Variants in C16orf46 observed in about 807,000 individuals in gnomAD.
The protein encoded by C16orf46 is uncharacterized protein C16orf46.
A neutral mutation model predicts 5.5 loss-of-function variants in C16orf46; 7 were observed. The observed-to-expected ratio is 1.28, with a 90% CI of 0.73 to 2.40. The LOEUF (loss-of-function observed/expected upper bound fraction) is 2.40. C16orf46 is among the 30% of genes most tolerant of loss of function. The pLI is 0.00. For missense variants in C16orf46, 614 were observed against 476.0 expected (o/e 1.29, Z -2.70); for synonymous variants, 200 against 184.1 (o/e 1.09, Z -0.70).
chr16:81,063,843 T>G lies in C16orf46; in HGVS notation c.113A>C (p.Lys38Thr). 1 of 1,613,986 alleles carries G rather than the reference T, an allele frequency of 6.2e-7. No individual in the cohort carries two copies. The highest frequency in any genetic ancestry group is 8.5e-7 in the Non-Finnish European group (1 of 1,179,918). ...TYTCPDGKSE[K>T]NHVYCLLDVS... The stretch of plus-strand genomic sequence containing the variant: ...ATCGAGAAGACAATAAACATGATTT[T>G]TTTCACTTTTTCCATCTGGACAAGT... Residue 38 changes from lysine (K) to threonine (T), a missense_variant, in exon 3 of 4, where the codon AAA becomes ACA. Lys to Thr is a moderately conservative substitution (Grantham distance 78, BLOSUM62 -1). Coordinates refer to ENST00000299578, the MANE Select transcript of C16orf46 (RefSeq NM_152337.3).
At chr16:81,054,137 T>A in intron 3 of C16orf46, 1 of 1,589,112 alleles carries the variant, frequency 6.3e-7, no homozygotes, top group South Asian at 1.1e-5. Context: ...GTAGAGCCCA[T>A]GCTGCAATGA....
At position 81,061,910 on chromosome 16, in the gene C16orf46, T is replaced by C. The variant is rs764356197; in HGVS notation, c.439A>G (p.Ile147Val). The C allele has an allele frequency of 1.2e-6, 2 of 1,614,228 alleles. No homozygotes were observed. Among genetic ancestry groups the C allele is most frequent in the African/African-American group, 1.3e-5 (1 of 75,056 alleles). The change falls in exon 4 of 4, where the codon ATT becomes GTT. Residue 147 changes from isoleucine to valine, a missense_variant. Physicochemically the swap from Ile to Val is conservative, Grantham distance 29. Coordinates refer to ENST00000299578, the MANE Select transcript of C16orf46 (RefSeq NM_152337.3). ...TAGGTGGGAAAGCAGATGTCGCTAA[T>C]TGCCCTGGAAGCAGTGCTGGGGCCC... is the stretch of plus-strand genomic sequence containing the variant. Reference protein sequence around the residue: ...PQGPSTASRAISDICFPTYFR... With the variant: ...PQGPSTASRAVSDICFPTYFR...
At chr16:81,067,341 G>A (rs1424463577) in intron 1 of C16orf46, among the ~76,000 whole-genome samples, 3 of 152,164 alleles carry the variant, frequency 2.0e-5, no homozygotes, top group Non-Finnish European at 4.4e-5. Context: ...GTGCCCTTAA[G>A]TTCTGTTTGT....
intron 1 of C16orf46, among the ~76,000 whole-genome samples, chr16:81,068,250 C>T (rs1280470177): frequency 6.6e-6 from 1 of 152,160 alleles, no homozygotes; most frequent in Non-Finnish European, 1.5e-5. Context: ...TGAACAAAGA[C>T]AACGGTTAAG....
intron 1 of C16orf46, among the ~76,000 whole-genome samples, chr16:81,075,306 C>G (rs1235842836): frequency 6.6e-6 from 1 of 151,300 alleles, no homozygotes; most frequent in East Asian, 1.9e-4. Flanking sequence ...AGAATACATT[C>G]TGGCCAAGCA....
At chr16:81,066,446 T>C (rs182880290) in intron 1 of C16orf46, among the ~76,000 whole-genome samples, 165 bp from the exon 2 acceptor site, 224 of 152,200 alleles carry the variant, frequency 1.5e-3, no homozygotes, top group African/African-American at 5.1e-3. Context: ...TTCAAGCAAT[T>C]CTCCTGCCTC....
chr16:81,073,602 G>A (rs185185745), intron 1 of C16orf46, among the ~76,000 whole-genome samples: 1 of 152,316 alleles, frequency 6.6e-6, no homozygotes, highest in East Asian at 1.9e-4. Flanking sequence ...TTGACCTGAA[G>A]ATAGGATATT....
downstream of C16orf46, among the ~76,000 whole-genome samples, chr16:81,057,753 C>T (rs1174539359): frequency 3.3e-5 from 5 of 151,032 alleles, no homozygotes; most frequent in African/African-American, 4.9e-5. Flanking sequence ...TGAAACAGGC[C>T]GGGTGTGGTG....
chr16:81,071,175 T>C (rs1458380500), intron 1 of C16orf46, among the ~76,000 whole-genome samples: 1 of 152,152 alleles, frequency 6.6e-6, no homozygotes, highest in Non-Finnish European at 1.5e-5. Context: ...AAAAGAACAT[T>C]CCTACCTGGT....
intron 1 of C16orf46, among the ~76,000 whole-genome samples, chr16:81,074,184 G>C (rs1465753325): frequency 6.6e-6 from 1 of 152,106 alleles, no homozygotes; most frequent in Non-Finnish European, 1.5e-5. Flanking sequence ...CATTTTGTCA[G>C]ATACAAATCT....
At chr16:81,055,817 T>C (rs1479770253) in intron 3 of C16orf46, among the ~76,000 whole-genome samples, 2 of 152,022 alleles carry the variant, frequency 1.3e-5, no homozygotes, top group Non-Finnish European at 2.9e-5. Context: ...CCTCCCCGGG[T>C]TCAAGCGACT....
chr16:81,059,858 C>G (rs554852027), downstream of C16orf46, among the ~76,000 whole-genome samples: 15 of 151,442 alleles, frequency 9.9e-5, no homozygotes, highest in East Asian at 2.0e-3. Flanking sequence ...GCACGATCTC[C>G]GCTCACTGCA....
chr16:81,072,442 A>G (rs1261412602), intron 1 of C16orf46, among the ~76,000 whole-genome samples: 1 of 152,012 alleles, frequency 6.6e-6, no homozygotes, highest in African/African-American at 2.4e-5. Flanking sequence ...CTGGAGTGCA[A>G]TGGTGCGATC....
chr16:81,059,096 C>G (rs954329637), downstream of C16orf46, among the ~76,000 whole-genome samples: 1 of 151,806 alleles, frequency 6.6e-6, no homozygotes. Context: ...GTTCTGTTGC[C>G]CAGGCTGGAG....
In C16orf46 at chr16:81,067,561, TG is replaced by T. The variant is rs1443402252; in HGVS notation, c.-127-1281del. Among the ~76,000 whole-genome samples, 14 of 152,292 alleles carry T rather than the reference TG, an allele frequency of 9.2e-5. No homozygotes were observed. The East Asian group carries it at 2.7e-3, about 29-fold the overall frequency. The stretch of plus-strand genomic sequence containing the variant: ...TGTTTTTTGTTTGTTTGTTTTGGTT[TG>T]TTTTTTTGTTTTGAGACACTCGCTC... On this transcript the variant is annotated intron_variant, in intron 1 of 3. Transcript: ENST00000299578.
At chr16:81,072,655 A>T (rs1971896324) in intron 1 of C16orf46, among the ~76,000 whole-genome samples, 1 of 150,792 alleles carries the variant, frequency 6.6e-6, no homozygotes, top group South Asian at 2.1e-4. Context: ...AAGTGCTGGG[A>T]TTATAGGCGT....
At chr16:81,060,747 G>T (rs752581532), downstream of C16orf46, 20 of 177,976 alleles carry the variant, frequency 1.1e-4, no homozygotes, top group Non-Finnish European at 2.1e-4. Flanking sequence ...TGAGGCACGG[G>T]GGTGGGGCAG....
downstream of C16orf46, among the ~76,000 whole-genome samples, chr16:81,058,829 T>C (rs1971378200): frequency 6.6e-6 from 1 of 152,166 alleles, no homozygotes; most frequent in South Asian, 2.1e-4. Flanking sequence ...GAGCCCTCCT[T>C]CCTGCCTTAT....
chr16:81,070,486 A>AC (rs976197936), intron 1 of C16orf46, among the ~76,000 whole-genome samples: 6 of 151,856 alleles, frequency 4.0e-5, no homozygotes, highest in African/African-American at 9.7e-5. Context: ...CCAGAAATAC[A>AC]CCCCCCCAAA....
Sources: allele counts gnomAD v4.1 joint callset (sites outside exome capture counted in the v4.1 genomes callset), GRCh38; gene constraint gnomAD v4.1.1; transcripts MANE v1.5; gene names NCBI Gene and HGNC (gene_info 2026-07-23, HGNC 2026-07-21).